The following MAP3K5 variants were observed in gnomAD, a reference collection of about 807,000 sequenced individuals.
MAP3K5 encodes ASK-1.
A neutral mutation model predicts 158.7 loss-of-function variants in MAP3K5; 56 were observed. The ratio of observed to expected loss-of-function variants is 0.35; its 90% CI spans 0.28 to 0.44. The LOEUF (loss-of-function observed/expected upper bound fraction) is 0.44, where lower values mean the gene tolerates loss of function less well. Among genes scored for constraint, MAP3K5 ranks in the 20% least tolerant of loss-of-function variants. The pLI is 1.00. For missense variants in MAP3K5, 1,294 were observed against 1,674.8 expected (o/e 0.77, Z 3.97); for synonymous variants, 579 against 601.7 (o/e 0.96, Z 0.55).
At chr6:136,746,662 C>A (rs912527650) in intron 1 of MAP3K5, among the ~76,000 whole-genome samples, 7 of 152,012 alleles carry the variant, frequency 4.6e-5, no homozygotes, top group Non-Finnish European at 8.8e-5. Flanking sequence ...GGAAAAAAAA[C>A]AATTTGAGTA....
intron 1 of MAP3K5, among the ~76,000 whole-genome samples, chr6:136,762,960 A>G (rs1783820747): frequency 6.6e-6 from 1 of 152,176 alleles, no homozygotes; most frequent in Admixed American, 6.6e-5. Context: ...TACCGGATGC[A>G]TGTTAGCATT....
chr6:136,637,041 T>C (rs1777670119), intron 14 of MAP3K5: 3 of 1,222,760 alleles, frequency 2.5e-6, no homozygotes, highest in Non-Finnish European at 3.1e-6. Flanking sequence ...AGAGAATGTG[T>C]AAGGACACCG....
At chr6:136,589,504 G>C (rs1775289119) in intron 23 of MAP3K5, among the ~76,000 whole-genome samples, 1 of 152,188 alleles carries the variant, frequency 6.6e-6, no homozygotes, top group African/African-American at 2.4e-5. Context: ...CCTTGTGTTT[G>C]TACACAGAAT....
At chr6:136,762,245 G>A (rs1250117460) in intron 1 of MAP3K5, among the ~76,000 whole-genome samples, 4 of 152,220 alleles carry the variant, frequency 2.6e-5, no homozygotes, top group South Asian at 4.1e-4. Context: ...GAGACAGAGA[G>A]GTAAATGGGA....
At chr6:136,673,619 G>T (rs1779574470) in intron 7 of MAP3K5, among the ~76,000 whole-genome samples, 1 of 151,726 alleles carries the variant, frequency 6.6e-6, no homozygotes, top group African/African-American at 2.4e-5. Flanking sequence ...CAATGTATGG[G>T]CTTACAAGTT....
chr6:136,774,335 T>C (rs191336242), intron 1 of MAP3K5, among the ~76,000 whole-genome samples: 1 of 152,272 alleles, frequency 6.6e-6, no homozygotes, highest in East Asian at 1.9e-4. Context: ...ACACCTGTGA[T>C]CCCAGCTACT....
chr6:136,671,256 T>A (rs73777957), intron 7 of MAP3K5, among the ~76,000 whole-genome samples: 11,490 of 152,272 alleles, frequency 0.075, 759 homozygotes, highest in African/African-American at 0.18. Flanking sequence ...GCTGAATATC[T>A]CCTATGTGCC....
chr6:136,618,816 G>A (rs562318723), intron 15 of MAP3K5, among the ~76,000 whole-genome samples: 7 of 152,270 alleles, frequency 4.6e-5, no homozygotes, highest in East Asian at 1.9e-4. Context: ...ACTCTGGAAC[G>A]ACACCAAACA....
intron 28 of MAP3K5, among the ~76,000 whole-genome samples, chr6:136,560,114 T>C (rs1020406353): frequency 9.2e-5 from 14 of 152,322 alleles, no homozygotes; most frequent in Non-Finnish European, 2.1e-4. Context: ...TTCTATCAAA[T>C]ATTACAATGT....
intron 1 of MAP3K5, among the ~76,000 whole-genome samples, chr6:136,757,584 T>TA (rs1304585509): frequency 1.4e-5 from 2 of 138,784 alleles, no homozygotes; most frequent in Non-Finnish European, 3.2e-5. Context: ...TATTTATTTT[T>TA]TATTTTTTTT....
At position 136,792,095 on chromosome 6, in the gene MAP3K5, G is replaced by C; in HGVS notation, c.63C>G (p.Phe21Leu). 6.3e-7 allele frequency: 1 copy of C among 1,585,274 alleles called. No individual in the cohort carries two copies. The change falls in exon 1 of 30, where the codon TTC becomes TTG. Residue 21 changes from phenylalanine to leucine, a missense_variant. Transcript: ENST00000359015. The surrounding 1 kb of genome is among the most constrained non-coding windows in gnomAD (Gnocchi z 5.7). ...AGATGCCGCCCTCGGGGATGGTGCA[G>C]AAGCCCGAGGGGGCGAAGGGTGGCA... Reference protein sequence around the residue: ...FSVPPFAPSGFCTIPEGGICR... With the variant: ...FSVPPFAPSGLCTIPEGGICR...
At chr6:136,731,537 C>T (rs1782223537) in intron 1 of MAP3K5, among the ~76,000 whole-genome samples, 1 of 152,168 alleles carries the variant, frequency 6.6e-6, no homozygotes, top group Non-Finnish European at 1.5e-5. Flanking sequence ...AGGACACACC[C>T]AGATGATCCA....
intron 1 of MAP3K5, among the ~76,000 whole-genome samples, chr6:136,765,968 T>C (rs116740861): frequency 8.7e-4 from 133 of 152,276 alleles, no homozygotes; most frequent in African/African-American, 3.1e-3. Flanking sequence ...TCATAAAATA[T>C]ACAGTTTCCA....
rs999656670 is a variant in MAP3K5, at chr6:136,557,460, G to A, written c.*298C>T. The A allele has an allele frequency of 2.2e-5, 6 of 276,404 alleles. No individual in the cohort carries two copies. The highest frequency in any genetic ancestry group is 3.4e-5 in the Non-Finnish European group (5 of 146,222). The allele number at this position is 276,404 out of a possible 1,614,324, so 17.1% of individuals were successfully genotyped here. ...AACATTTGGCTGAAGTGCAATAGCT[G>A]CTGCATTAAAAATATTTCCATAAAA... On this transcript the variant is annotated 3_prime_UTR_variant, in exon 30 of 30. Transcript: ENST00000359015.
chr6:136,581,127 C>A (rs1774857169), intron 24 of MAP3K5, among the ~76,000 whole-genome samples: 1 of 152,196 alleles, frequency 6.6e-6, no homozygotes, highest in Non-Finnish European at 1.5e-5. Context: ...ATTTCTCCCT[C>A]CCCACAGTCC....
Position 136,722,674 on chromosome 6 carries a change from CTTTTTT to C in MAP3K5, c.449-2091_449-2086del, listed in dbSNP as rs372343492. 9.5e-5 allele frequency among the ~76,000 whole-genome samples: 11 copies of C among 115,592 alleles called. No individual in the cohort carries two copies. The South Asian group carries it at 2.8e-3, about 30-fold the overall frequency. The allele number at this position is 115,592 out of a possible 152,430, so 75.8% of individuals were successfully genotyped here. A position where few individuals can be genotyped will look rare whatever the true frequency, so the allele number is the denominator to read the frequency against. ...TAAACTTTCTTTTCTTTTTTTTTTC[CTTTTTT>C]TTTTTTTTTTTTTAAGGCAGACAGT... is the stretch of plus-strand genomic sequence containing the variant. On this transcript the variant is annotated intron_variant, in intron 1 of 29. Transcript: ENST00000359015.
At chr6:136,671,495 A>G (rs796069551) in intron 7 of MAP3K5, among the ~76,000 whole-genome samples, 3 of 152,348 alleles carry the variant, frequency 2.0e-5, no homozygotes, top group African/African-American at 7.2e-5. Flanking sequence ...AAAGAAATAA[A>G]ATCCTGGCAT....
intron 2 of MAP3K5, among the ~76,000 whole-genome samples, chr6:136,716,048 A>AAAAAAAAAAAAAAAAAAAAAAAAAAAT: frequency 6.9e-6 from 1 of 145,476 alleles, no homozygotes; most frequent in Non-Finnish European, 1.5e-5. Flanking sequence ...AAAAAAAAAA[A>AAAAAAAAAAAAAAAAAAAAAAAAAAAT]AAAAAAAAAA....
intron 25 of MAP3K5, among the ~76,000 whole-genome samples, chr6:136,574,133 G>A (rs2129072491): frequency 6.6e-6 from 1 of 152,232 alleles, no homozygotes; most frequent in Non-Finnish European, 1.5e-5. Flanking sequence ...GTTTCACCAT[G>A]TTGGCCAGGC....
Sources: allele counts gnomAD v4.1 joint callset (sites outside exome capture counted in the v4.1 genomes callset), GRCh38; gene constraint gnomAD v4.1.1; non-coding constraint Gnocchi (gnomAD v3.1); transcripts MANE v1.5; gene names NCBI Gene and HGNC (gene_info 2026-07-23, HGNC 2026-07-21).